CSGALNACT1: variants seen among roughly 807,000 people sequenced by gnomAD.
CSGALNACT1 encodes beta4GalNAcT-1.
Under a neutral mutation model 51.0 loss-of-function variants are expected in CSGALNACT1, and 52 were observed. The ratio of observed to expected loss-of-function variants is 1.02; its 90% CI spans 0.82 to 1.29. The LOEUF (loss-of-function observed/expected upper bound fraction) is 1.29. Among genes scored for constraint, CSGALNACT1 ranks in the 50% most tolerant of loss-of-function variants. The pLI is 0.00. For synonymous variants in CSGALNACT1, 341 were observed against 254.4 expected (o/e 1.34, Z -3.24); for missense variants, 935 against 679.2 (o/e 1.38, Z -4.19).
intron 4 of CSGALNACT1, among the ~76,000 whole-genome samples, chr8:19,502,645 C>G (rs886941928): frequency 6.6e-6 from 1 of 152,196 alleles, no homozygotes; most frequent in Non-Finnish European, 1.5e-5. Flanking sequence ...CCATGGATTA[C>G]TGAAACCCAA....
chr8:19,757,450 C>T lies in CSGALNACT1; in HGVS notation c.-297+400G>A, dbSNP rs115120459. The T allele has an allele frequency of 6.6e-6, 1 of 151,830 alleles. No individual in the cohort carries two copies. Among genetic ancestry groups the T allele is most frequent in the Non-Finnish European group, 1.5e-5 (1 of 67,672 alleles). The allele number at this position is 151,830 out of a possible 1,614,324, so 9.4% of individuals were successfully genotyped here. On this transcript the variant is annotated intron_variant, in intron 1 of 1. Transcript: ENST00000517494. The surrounding 1 kb of genome is among the most constrained non-coding windows in gnomAD (Gnocchi z 4.0). ...GCTGGGGTCGCGGTTGGCCGCGTAC[C>T]TCCGCGTCACCCACGGCCTCTCTGC...
At chr8:19,676,265 T>G (rs2060184398) in intron 1 of CSGALNACT1, among the ~76,000 whole-genome samples, 1 of 152,026 alleles carries the variant, frequency 6.6e-6, no homozygotes. Flanking sequence ...ATGACCCAGA[T>G]GTTAGAATTA....
intron 3 of CSGALNACT1, among the ~76,000 whole-genome samples, chr8:19,589,141 T>C (rs1262831622): frequency 1.3e-5 from 2 of 152,318 alleles, no homozygotes; most frequent in African/African-American, 2.4e-5. Flanking sequence ...TAGGGTGTTA[T>C]GATCCCTGAT....
chr8:19,526,375 G>C (rs555958735), intron 3 of CSGALNACT1, among the ~76,000 whole-genome samples: 2 of 152,188 alleles, frequency 1.3e-5, no homozygotes, highest in African/African-American at 4.8e-5. Context: ...ACAAGGTGAA[G>C]AGAATGAGAC....
chr8:19,523,611 A>G lies in CSGALNACT1; in HGVS notation c.-296-17481T>C, dbSNP rs574419086. 1.4e-4 allele frequency among the ~76,000 whole-genome samples: 22 copies of G among 152,272 alleles called. No homozygotes were observed. The South Asian group carries it at 4.6e-3, about 32-fold the overall frequency. ...CACCCAGGCTACATTGTACTATTAA[A>G]ACAGAAAACAACTTTTCTAGCATTC... On this transcript the variant is annotated intron_variant, in intron 3 of 9. Coordinates refer to ENST00000454498, the Ensembl canonical transcript of CSGALNACT1.
chr8:19,673,784 T>C (rs2059968672), intron 1 of CSGALNACT1, among the ~76,000 whole-genome samples: 1 of 152,236 alleles, frequency 6.6e-6, no homozygotes, highest in African/African-American at 2.4e-5. Context: ...TTTAAAAGAA[T>C]AGAAATTAAC....
intron 1 of CSGALNACT1, among the ~76,000 whole-genome samples, chr8:19,622,269 A>G (rs1236571405): frequency 1.3e-5 from 2 of 152,222 alleles, no homozygotes; most frequent in African/African-American, 2.4e-5. Flanking sequence ...GGGATCCTAA[A>G]TATATCCATG....
intron 1 of CSGALNACT1, among the ~76,000 whole-genome samples, chr8:19,667,007 G>GAAAGAAAAGAAAGAAAGAAAGAAAGA (rs1564386078): frequency 9.5e-5 from 3 of 31,710 alleles, no homozygotes; most frequent in Non-Finnish European, 1.7e-4. Context: ...AAGAAAGAAA[G>GAAAGAAAAGAAAGAAAGAAAGAAAGA]AAAGAAAGAA....
In CSGALNACT1 at chr8:19,628,680, C is replaced by G. The variant is rs13328417; in HGVS notation, c.-543-26815G>C. On this transcript the variant is annotated intron_variant, in intron 1 of 9. Transcript: ENST00000332246. Reference sequence around the variant, plus strand: ...TTTTTTTTTTGTTTTTTGGGTCTCGCCATGCTGCCCAGGCTAGTCCTGAAC... The same window carrying G: ...TTTTTTTTTTGTTTTTTGGGTCTCGGCATGCTGCCCAGGCTAGTCCTGAAC... Among the ~76,000 whole-genome samples the G allele has an allele frequency of 5.4e-3, 815 of 151,868 alleles. 9 individuals are homozygous for G. The highest frequency in any genetic ancestry group is 0.019 in the African/African-American group (772 of 41,406).
intron 1 of CSGALNACT1, among the ~76,000 whole-genome samples, chr8:19,672,831 CA>C (rs1564398367): frequency 6.6e-6 from 1 of 152,018 alleles, no homozygotes; most frequent in Admixed American, 6.6e-5. Context: ...ATACTGCACT[CA>C]AAAAATAAAA....
At chr8:19,582,706 TA>T (rs1289614418) in intron 3 of CSGALNACT1, among the ~76,000 whole-genome samples, 1 of 152,140 alleles carries the variant, frequency 6.6e-6, no homozygotes, top group Non-Finnish European at 1.5e-5. Context: ...GACTTTTTTT[TA>T]TCATTGTCTA....
intron 5 of CSGALNACT1, among the ~76,000 whole-genome samples, chr8:19,456,523 G>T (rs891144276): frequency 1.2e-4 from 18 of 152,326 alleles, no homozygotes; most frequent in African/African-American, 4.3e-4. Flanking sequence ...AACGCCGCAG[G>T]TTCAGTCATT....
intron 1 of CSGALNACT1, among the ~76,000 whole-genome samples, chr8:19,637,352 T>C (rs575884413): frequency 1.5e-4 from 23 of 152,370 alleles, no homozygotes; most frequent in Admixed American, 1.4e-3. Context: ...GTTTTAGTAA[T>C]CACAGCAATC....
At chr8:19,535,842 G>T (rs1433816838) in intron 3 of CSGALNACT1, among the ~76,000 whole-genome samples, 2 of 152,084 alleles carry the variant, frequency 1.3e-5, no homozygotes, top group East Asian at 1.9e-4. Context: ...ACTGGATAAG[G>T]AATATCTACA....
chr8:19,408,979 A>ACACACACACACACACACACACACAC (rs2055001271), intron 8 of CSGALNACT1, among the ~76,000 whole-genome samples: 1 of 66,442 alleles, frequency 1.5e-5, no homozygotes. Context: ...CACACACACA[A>ACACACACACACACACACACACACAC]TCAAAAACAA....
chr8:19,540,127 C>T (rs549399618), intron 3 of CSGALNACT1, among the ~76,000 whole-genome samples: 2 of 152,118 alleles, frequency 1.3e-5, no homozygotes, highest in Non-Finnish European at 2.9e-5. Flanking sequence ...AATGGCTATT[C>T]CCATGGCATG....
chr8:19,687,405 C>T (rs913230248), upstream of CSGALNACT1, among the ~76,000 whole-genome samples: 2 of 152,086 alleles, frequency 1.3e-5, no homozygotes, highest in Non-Finnish European at 2.9e-5. Context: ...AAAAGAGATG[C>T]CCCACTAAAA....
At position 19,576,685 on chromosome 8, in the gene CSGALNACT1, C is replaced by T. The variant is rs559675259; in HGVS notation, c.-297+14475G>A. ...TATCCAGCAGACCCCCGACAGGCAG[C>T]CCCATGCTACCCTGCTGTGATATGA... On this transcript the variant is annotated intron_variant, in intron 3 of 9. Transcript: ENST00000454498. Among the ~76,000 whole-genome samples, 29 of 152,146 alleles carry T rather than the reference C, an allele frequency of 1.9e-4. No homozygotes were observed. The East Asian group carries it at 5.6e-3, about 29-fold the overall frequency.
At chr8:19,435,807 G>C (rs1447472664) in intron 6 of CSGALNACT1, among the ~76,000 whole-genome samples, 2 of 152,138 alleles carry the variant, frequency 1.3e-5, no homozygotes, top group South Asian at 4.1e-4. Flanking sequence ...TTGTATTTCT[G>C]TCTATGTTAG....
Sources: allele counts gnomAD v4.1 joint callset (sites outside exome capture counted in the v4.1 genomes callset), GRCh38; gene constraint gnomAD v4.1.1; non-coding constraint Gnocchi (gnomAD v3.1); transcripts MANE v1.5; gene names NCBI Gene and HGNC (gene_info 2026-07-23, HGNC 2026-07-21).